Variants in CELF1 observed in about 807,000 individuals in gnomAD.
CELF1 encodes 50 kDa nuclear polyadenylated RNA-binding protein.
In CELF1, 10 loss-of-function variants were observed where a neutral mutation model predicts 61.8. The observed-to-expected ratio is 0.16, with a 90% CI of 0.10 to 0.27. CELF1 has a LOEUF of 0.27. CELF1 is among the 10% of genes least tolerant of loss of function. The pLI is 1.00. For missense variants in CELF1, 380 were observed against 639.1 expected (o/e 0.59, Z 4.37); for synonymous variants, 236 against 225.1 (o/e 1.05, Z -0.43).
intron 1 of CELF1, among the ~76,000 whole-genome samples, chr11:47,541,289 C>G (rs1019309497): frequency 6.3e-4 from 1 of 1,600 alleles, no homozygotes; most frequent in African/African-American, 6.9e-4. Context: ...TCTGCAAGAG[C>G]TTACTCAATC....
chr11:47,538,410 C>T (rs190151517), intron 1 of CELF1, among the ~76,000 whole-genome samples: 27 of 152,152 alleles, frequency 1.8e-4, no homozygotes, highest in Admixed American at 1.3e-4. Context: ...TTGGGAGGCC[C>T]AGGCGGGCAG....
At chr11:47,494,602 T>G in intron 3 of CELF1, 10 of 453,064 alleles carry the variant, frequency 2.2e-5, no homozygotes, top group Non-Finnish European at 2.6e-5. Flanking sequence ...CCCAGGCCTA[T>G]CTCAGGGGCA....
chr11:47,491,306 G>A (rs2091355250), intron 3 of CELF1, among the ~76,000 whole-genome samples: 1 of 151,786 alleles, frequency 6.6e-6, no homozygotes, highest in South Asian at 2.1e-4. Context: ...GGGATTACAG[G>A]TATGCGCCAC....
chr11:47,558,478 A>ATATATTATATATTTAATATAT (rs919844531), intron 2 of CELF1, among the ~76,000 whole-genome samples: 1 of 126,088 alleles, frequency 7.9e-6, no homozygotes, highest in East Asian at 2.0e-4. Context: ...ACCCTCATAT[A>ATATATTATATATTTAATATAT]TATATTATAT....
At chr11:47,494,069 G>C (rs2092546893) in intron 3 of CELF1, among the ~76,000 whole-genome samples, 1 of 152,222 alleles carries the variant, frequency 6.6e-6, no homozygotes, top group Admixed American at 6.5e-5. Context: ...TCAAGAACCA[G>C]TGAATTCAGC....
chr11:47,533,416 G>A (rs1656061271), intron 1 of CELF1, among the ~76,000 whole-genome samples: 1 of 152,026 alleles, frequency 6.6e-6, no homozygotes, highest in African/African-American at 2.4e-5. Context: ...GAGCTCAGGA[G>A]TTCACGACCA....
intron 2 of CELF1, among the ~76,000 whole-genome samples, chr11:47,558,446 T>C (rs1341899398): frequency 7.6e-6 from 1 of 131,414 alleles, no homozygotes; most frequent in Non-Finnish European, 1.5e-5. Flanking sequence ...ATATTATATA[T>C]ATATATAATA....
Position 47,553,039 on chromosome 11 carries a change from T to TCCGCAGCCG in CELF1, c.-210_-202dup, listed in dbSNP as rs2097184074. 5.0e-6 allele frequency: 2 copies of TCCGCAGCCG among 398,132 alleles called. No individual in the cohort carries two copies. Among genetic ancestry groups the TCCGCAGCCG allele is most frequent in the South Asian group, 1.2e-4 (1 of 8,056 alleles). 24.7% of individuals were successfully genotyped at this position (398,132 alleles called of 1,614,324 possible). Reference sequence around the variant, plus strand: ...CGCTGCCTCAGTTGCTGCCTGCGCCTCCGCAGCCGCCGCCGCCGCCTCGCT... The same window carrying TCCGCAGCCG: ...CGCTGCCTCAGTTGCTGCCTGCGCCTCCGCAGCCGCCGCAGCCGCCGCCGCCGCCTCGCT... On this transcript the variant is annotated 5_prime_UTR_variant, in exon 1 of 15. Coordinates refer to ENST00000687097, the MANE Select transcript of CELF1 (RefSeq NM_001376376.1).
chr11:47,558,196 G>T (rs1330701802), intron 2 of CELF1, among the ~76,000 whole-genome samples: 1 of 151,884 alleles, frequency 6.6e-6, no homozygotes, highest in African/African-American at 2.4e-5. Context: ...TTCAGGCGGT[G>T]CTGCGAGCGT....
At chr11:47,558,758 A>AT (rs1491257816) in intron 2 of CELF1, among the ~76,000 whole-genome samples, 1 of 104,384 alleles carries the variant, frequency 9.6e-6, no homozygotes, top group Non-Finnish European at 1.8e-5. Context: ...AATATATATA[A>AT]TATATATAAT....
chr11:47,501,838 C>A (rs2093947946), intron 1 of CELF1, among the ~76,000 whole-genome samples: 1 of 151,978 alleles, frequency 6.6e-6, no homozygotes, highest in African/African-American at 2.4e-5. Flanking sequence ...AAAAAAAAAT[C>A]CTTTAAAAAG....
chr11:47,519,508 T>G lies in CELF1; in HGVS notation c.-153-18576A>C, dbSNP rs566254619. Reference sequence around the variant, plus strand: ...ATAAATAAATAAATAAATAAATAAATAAATAAATAAATAAATAAGGTACTT... The same window carrying G: ...ATAAATAAATAAATAAATAAATAAAGAAATAAATAAATAAATAAGGTACTT... On this transcript the variant is annotated intron_variant, in intron 1 of 14. Coordinates refer to ENST00000687097, the MANE Select transcript of CELF1 (RefSeq NM_001376376.1). Among the ~76,000 whole-genome samples the G allele has an allele frequency of 1.8e-3, 267 of 150,724 alleles. 2 individuals carry two copies. Among genetic ancestry groups the G allele is most frequent in the African/African-American group, 6.2e-3 (255 of 41,260 alleles).
intron 3 of CELF1, 118 bp from the exon 4 acceptor site, chr11:47,489,142 T>C (rs1331881926): frequency 1.2e-6 from 1 of 854,494 alleles, no homozygotes; most frequent in African/African-American, 1.8e-5. Flanking sequence ...AATCTACTTC[T>C]TTCACTACTT....
upstream of CELF1, among the ~76,000 whole-genome samples, chr11:47,558,045 C>G (rs947760332): frequency 1.3e-5 from 2 of 151,956 alleles, no homozygotes; most frequent in Non-Finnish European, 2.9e-5. Flanking sequence ...TTAGTAGAGA[C>G]AGGGTTTCAC....
At chr11:47,478,335 C>T (rs1320475384) in intron 10 of CELF1, among the ~76,000 whole-genome samples, 1 of 152,200 alleles carries the variant, frequency 6.6e-6, no homozygotes, top group Non-Finnish European at 1.5e-5. Flanking sequence ...TACCCCCAAC[C>T]GACTCCTGAT....
chr11:47,503,690 A>G (rs1253692381), intron 1 of CELF1, among the ~76,000 whole-genome samples: 3 of 152,222 alleles, frequency 2.0e-5, no homozygotes, highest in Non-Finnish European at 4.4e-5. Flanking sequence ...AAATTTTTGC[A>G]CAGTACCTTT....
chr11:47,528,062 C>T (rs930076176), intron 1 of CELF1, among the ~76,000 whole-genome samples: 4 of 152,182 alleles, frequency 2.6e-5, no homozygotes, highest in Non-Finnish European at 5.9e-5. Flanking sequence ...CACCATTGCA[C>T]TCTGGCCTGG....
At chr11:47,545,119 C>T (rs539546802) in intron 1 of CELF1, among the ~76,000 whole-genome samples, 69 of 152,186 alleles carry the variant, frequency 4.5e-4, no homozygotes, top group Admixed American at 1.6e-3. Context: ...ATGGCGAAAC[C>T]CCATCTCTAA....
At chr11:47,522,828 GAA>G (rs1349865658) in intron 1 of CELF1, among the ~76,000 whole-genome samples, 2 of 60,234 alleles carry the variant, frequency 3.3e-5, no homozygotes, top group Non-Finnish European at 3.4e-5. Flanking sequence ...TCCATCTCCA[GAA>G]AAAAAAAAAA....
Sources: gnomAD v4.1 joint callset for allele counts (sites outside exome capture counted in the v4.1 genomes callset) on GRCh38, gnomAD v4.1.1 for gene constraint, MANE v1.5 for transcripts, NCBI Gene and HGNC (gene_info 2026-07-23, HGNC 2026-07-21) for gene names.